The following RHEX variants were observed in gnomAD, a reference collection of about 807,000 sequenced individuals.
RHEX encodes regulator of hemoglobinization and erythroid cell expansion.
Under a neutral mutation model 20.1 loss-of-function variants are expected in RHEX, and 18 were observed. That is an observed-to-expected ratio of 0.90 (90% confidence interval 0.62 to 1.33). The LOEUF is 1.33. Ranked by LOEUF, RHEX falls within the 40% of genes most tolerant of loss-of-function variation. RHEX has a pLI of 0.00. For missense variants in RHEX, 192 were observed against 214.3 expected (o/e 0.90, Z 0.65); for synonymous variants, 87 against 77.1 (o/e 1.13, Z -0.67).
At chr1:206,090,445 G>A (rs1347602182) in intron 1 of RHEX, among the ~76,000 whole-genome samples, 1 of 151,900 alleles carries the variant, frequency 6.6e-6, no homozygotes, top group Non-Finnish European at 1.5e-5. Flanking sequence ...GACCTCAGGT[G>A]ATCCACCCTC....
At chr1:206,076,957 C>T (rs979619460) in intron 1 of RHEX, among the ~76,000 whole-genome samples, 1 of 152,228 alleles carries the variant, frequency 6.6e-6, no homozygotes, top group Non-Finnish European at 1.5e-5. Flanking sequence ...TTGTTCTCTG[C>T]ATCCCCACCA....
At chr1:206,063,068 C>T (rs955716440) in intron 1 of RHEX, among the ~76,000 whole-genome samples, 12 of 152,156 alleles carry the variant, frequency 7.9e-5, no homozygotes, top group African/African-American at 2.9e-4. Flanking sequence ...TAGTTTGTAT[C>T]AGGTGTTCAG....
At chr1:206,055,232 G>C (rs1348103022) in intron 1 of RHEX, among the ~76,000 whole-genome samples, 1 of 152,272 alleles carries the variant, frequency 6.6e-6, no homozygotes, top group Admixed American at 6.5e-5. Flanking sequence ...CCAACACTAA[G>C]TTCACTTCAT....
At chr1:206,101,558 T>G (rs1474268993) in intron 5 of RHEX, among the ~76,000 whole-genome samples, 194 bp from the exon 6 acceptor site, 2 of 152,198 alleles carry the variant, frequency 1.3e-5, no homozygotes, top group African/African-American at 4.8e-5. Flanking sequence ...TCCCATTCCC[T>G]GCAGACAGGT....
chr1:206,063,544 G>A (rs138609493), intron 1 of RHEX, among the ~76,000 whole-genome samples: 9,267 of 152,282 alleles, frequency 0.061, 376 homozygotes, highest in Admixed American at 0.12. Flanking sequence ...GGCGCGCGCC[G>A]CCACGCCTGA....
At chr1:206,065,209 C>T (rs1553284058) in intron 1 of RHEX, among the ~76,000 whole-genome samples, 1 of 152,036 alleles carries the variant, frequency 6.6e-6, no homozygotes, top group African/African-American at 2.4e-5. Flanking sequence ...GCTGACCTTC[C>T]CTCCACTATT....
intron 1 of RHEX, among the ~76,000 whole-genome samples, chr1:206,057,828 T>C (rs1244426372): frequency 6.6e-6 from 1 of 152,264 alleles, no homozygotes; most frequent in Admixed American, 6.5e-5. Flanking sequence ...GGTCACAAGA[T>C]GTCTCATGGG....
intron 1 of RHEX, among the ~76,000 whole-genome samples, chr1:206,078,629 G>T (rs1662679534): frequency 6.6e-6 from 1 of 152,200 alleles, no homozygotes; most frequent in Admixed American, 6.5e-5. Flanking sequence ...CTAGGTAACA[G>T]AGTGCTTCAT....
At chr1:206,089,387 A>C (rs1296541270) in intron 1 of RHEX, among the ~76,000 whole-genome samples, 2 of 152,188 alleles carry the variant, frequency 1.3e-5, no homozygotes, top group African/African-American at 2.4e-5. Context: ...TTATGTAGCT[A>C]AATACAATTG....
intron 1 of RHEX, among the ~76,000 whole-genome samples, chr1:206,075,013 G>GT (rs1213624558): frequency 6.6e-5 from 10 of 152,192 alleles, no homozygotes; most frequent in African/African-American, 2.4e-4. Flanking sequence ...TACTCACTGT[G>GT]TTTTTTTGCT....
At chr1:206,069,367 C>T (rs782680315) in intron 1 of RHEX, among the ~76,000 whole-genome samples, 1 of 152,208 alleles carries the variant, frequency 6.6e-6, no homozygotes, top group Non-Finnish European at 1.5e-5. Flanking sequence ...TACTGGGCTT[C>T]ATAGGTAAGC....
rs546561058 is a variant in RHEX, at chr1:206,084,825, G to T, written c.-96-12908G>T. ...GCATCAGGCCAATCATGGGGTCCTT[G>T]TGAGCACAGGGCCCTACTAGTCTGC... On this transcript the variant is annotated intron_variant, in intron 1 of 5. Transcript: ENST00000331555. Among the ~76,000 whole-genome samples, 7 of 152,320 alleles carry T rather than the reference G, an allele frequency of 4.6e-5. No individual in the cohort carries two copies. In the South Asian group the frequency reaches 1.4e-3, roughly 32 times the overall value.
intron 3 of RHEX, 101 bp downstream of exon 3, chr1:206,098,282 A>G (rs1489352049): frequency 2.4e-6 from 2 of 841,742 alleles, no homozygotes; most frequent in African/African-American, 1.7e-5. Flanking sequence ...ACGTCACTCA[A>G]AAACCTACCA....
chr1:206,062,848 C>T (rs1467836328), intron 1 of RHEX, among the ~76,000 whole-genome samples: 1 of 152,178 alleles, frequency 6.6e-6, no homozygotes, highest in Non-Finnish European at 1.5e-5. Context: ...TCGTCATTCA[C>T]AAGTAGTCAT....
At chr1:206,095,473 T>C (rs1168676354) in intron 1 of RHEX, among the ~76,000 whole-genome samples, 2 of 152,256 alleles carry the variant, frequency 1.3e-5, no homozygotes, top group African/African-American at 2.4e-5. Context: ...CATGCACTTA[T>C]ATCCATGAAA....
intron 2 of RHEX, 30 bp from the exon 3 acceptor site, chr1:206,098,051 C>A: frequency 6.5e-7 from 1 of 1,549,920 alleles, no homozygotes; most frequent in Non-Finnish European, 8.9e-7. Context: ...CTTGCAATCT[C>A]TGACTTTGCC....
Position 206,099,687 on chromosome 1 carries a change from A to G in RHEX, c.145A>G (p.Ser49Gly), listed in dbSNP as rs1663146497. The change falls in exon 4 of 6, where the codon AGT (serine) becomes GGT (glycine). Residue 49 changes from serine to glycine, a missense_variant. Ser to Gly is a moderately conservative substitution (Grantham distance 56). Coordinates refer to ENST00000331555, the MANE Select transcript of RHEX (RefSeq NM_001007544.4). ...HKSEQILKAA[S>G]LQVPRPSPGH... ...GAGTGAACAGATACTGAAAGCGGCC[A>G]GTCTCCAGGTTCCCAGGCCCAGCCC... is the stretch of plus-strand genomic sequence containing the variant. The G allele has an allele frequency of 5.0e-6, 8 of 1,614,044 alleles. No individual in the cohort carries two copies. The highest frequency in any genetic ancestry group is 1.1e-5 in the South Asian group (1 of 91,082).
At chr1:206,090,710 T>G (rs1662933366) in intron 1 of RHEX, among the ~76,000 whole-genome samples, 1 of 152,058 alleles carries the variant, frequency 6.6e-6, no homozygotes, top group African/African-American at 2.4e-5. Context: ...GAGTTTGTCT[T>G]TCATGTCTCT....
At chr1:206,055,390 G>T (rs1264338682) in intron 1 of RHEX, among the ~76,000 whole-genome samples, 15 of 152,208 alleles carry the variant, frequency 9.9e-5, no homozygotes, top group Admixed American at 9.8e-4. Flanking sequence ...CCTTTATTGG[G>T]CACTCTGCCG....
Sources: allele counts gnomAD v4.1 joint callset (sites outside exome capture counted in the v4.1 genomes callset), GRCh38; gene constraint gnomAD v4.1.1; transcripts MANE v1.5; gene names NCBI Gene and HGNC (gene_info 2026-07-23, HGNC 2026-07-21).